Variants in PRSS27 observed in about 807,000 individuals in gnomAD.
PRSS27 encodes the protein serine protease 27.
Under a neutral mutation model 32.0 loss-of-function variants are expected in PRSS27, and 25 were observed. That is an observed-to-expected ratio of 0.78 (90% CI 0.57 to 1.09). PRSS27 has a LOEUF of 1.09. PRSS27 is among the 50% of genes least tolerant of loss of function. The pLI, the probability that PRSS27 is intolerant of heterozygous loss-of-function variation, is 0.00. For missense variants in PRSS27, 401 were observed against 394.9 expected (o/e 1.02, Z -0.13); for synonymous variants, 178 against 172.2 (o/e 1.03, Z -0.26).
chr16:2,715,466 G>A (rs2142066492), intron 3 of PRSS27: 1 of 476,184 alleles, frequency 2.1e-6, no homozygotes, highest in East Asian at 3.8e-5. Context: ...GAGTGGGTGA[G>A]TGGGTGGAGG....
chr16:2,713,358 A>T (rs2067677536), intron 5 of PRSS27, 171 bp downstream of exon 5: 1 of 711,168 alleles, frequency 1.4e-6, no homozygotes, highest in Non-Finnish European at 2.5e-6. Flanking sequence ...TTGGCCTCCC[A>T]AAGTGCTGGG....
At chr16:2,719,047 C>T (rs1334125083) in intron 1 of PRSS27, among the ~76,000 whole-genome samples, 1 of 152,212 alleles carries the variant, frequency 6.6e-6, no homozygotes, top group African/African-American at 2.4e-5. Flanking sequence ...GTACCACCAG[C>T]CAGAGACCTG....
rs929353437 is a variant in PRSS27 at position 2,714,159 on chromosome 16, A to C, written c.414T>G (p.Asn138Lys). 2.5e-6 allele frequency: 4 copies of C among 1,613,954 alleles called. No individual in the cohort carries two copies. The highest frequency in any genetic ancestry group is 4.5e-5 in the East Asian group (2 of 44,884). The change falls in exon 4 of 6, where the codon AAT becomes AAG. Residue 138 changes from asparagine to lysine, a missense_variant. Physicochemically the swap from Asn to Lys is moderately conservative, Grantham distance 94. Transcript: ENST00000302641. This position sits in a 1 kb window ranked among gnomAD's most constrained non-coding sequence, Gnocchi z 4.7. The part of the protein sequence containing the change: ...VELEAPVPFT[N>K]YILPVCLPDP... ...CAGGCAGGCACACGGGGAGGATGTAATTGGTGAAGGGCACTGGTGCCTCCA... is the reference window on the plus strand; with the variant it reads ...CAGGCAGGCACACGGGGAGGATGTACTTGGTGAAGGGCACTGGTGCCTCCA...
chr16:2,719,698 C>G (rs1418556512), intron 1 of PRSS27, among the ~76,000 whole-genome samples: 1 of 152,210 alleles, frequency 6.6e-6, no homozygotes, highest in Non-Finnish European at 1.5e-5. Flanking sequence ...CTCGGCCACC[C>G]TCCCACCCCG....
At position 2,713,658 on chromosome 16, in the gene PRSS27, C is replaced by T. The variant is rs200857775; in HGVS notation, c.549G>A (p.Val183=). 13 of 1,614,108 alleles carry T rather than the reference C, an allele frequency of 8.1e-6. No homozygotes were observed. The highest frequency in any genetic ancestry group is 1.1e-5 in the Non-Finnish European group (13 of 1,180,052). Residue 183 remains valine (V), a synonymous_variant, in exon 5 of 6, where the codon GTG becomes GTA. Coordinates refer to ENST00000302641, the MANE Select transcript of PRSS27 (RefSeq NM_031948.5). ...TGCACTTGGGTGTGTCGATGATGGG[C>T]ACAGCGAGTTTCTGCAGGATCCGCG... The part of the protein sequence containing the change: ...PEPRILQKLA[V]PIIDTPKCNL...
chr16:2,716,019 G>A (rs1417133424), intron 2 of PRSS27, 139 bp from the exon 3 acceptor site: 14 of 679,770 alleles, frequency 2.1e-5, no homozygotes, highest in Non-Finnish European at 3.1e-5. Flanking sequence ...TCGGAGGCCT[G>A]GGCTTCGGGG....
At chr16:2,713,064 T>C in intron 5 of PRSS27, 1 of 541,446 alleles carries the variant, frequency 1.8e-6, no homozygotes, top group South Asian at 2.9e-5. Context: ...CCACTGACTC[T>C]GATCCTTCTG....
At position 2,713,555 on chromosome 16, in the gene PRSS27, C is replaced by G; in HGVS notation, c.652G>C (p.Glu218Gln). ...IKNDMLCAGFEEGKKDACKGD... is the reference protein window; with the variant it reads ...IKNDMLCAGFQEGKKDACKGD... ...TTGCAGGCATCCTTCTTGCCCTCCTCGAAGCCGGCGCACAGCATGTCATTC... is the reference window on the plus strand; with the variant it reads ...TTGCAGGCATCCTTCTTGCCCTCCTGGAAGCCGGCGCACAGCATGTCATTC... Residue 218 changes from glutamate (E) to glutamine (Q), a missense_variant, in exon 5 of 6, where the codon GAG becomes CAG. By Grantham distance (29) the Glu-to-Gln change is conservative. Transcript: ENST00000302641. The G allele has an allele frequency of 1.2e-6, 2 of 1,614,248 alleles. No individual in the cohort carries two copies. Among genetic ancestry groups the G allele is most frequent in the South Asian group, 1.1e-5 (1 of 91,090 alleles).
Position 2,712,703 on chromosome 16 carries a change from G to C in PRSS27, c.790C>G (p.Arg264Gly). The change falls in exon 6 of 6, where the codon CGT becomes GGT. Residue 264 changes from arginine to glycine, a missense_variant. Arg to Gly is a moderately radical substitution (Grantham distance 125). Transcript: ENST00000302641. The surrounding 1 kb of genome is among the most constrained non-coding windows in gnomAD (Gnocchi z 4.6). ...ARQNRPGVYIRVTAHHNWIHR... is the reference protein window; with the variant it reads ...ARQNRPGVYIGVTAHHNWIHR... ...ATCCAGTTGTGGTGGGCGGTGACAC[G>C]GATGTAGACACCTGGGCGGTTCTGG... 2.5e-6 allele frequency: 4 copies of C among 1,598,076 alleles called. No homozygotes were observed. The highest frequency in any genetic ancestry group is 3.4e-6 in the Non-Finnish European group (4 of 1,172,444).
At chr16:2,713,926 C>G in intron 4 of PRSS27, 139 bp downstream of exon 4, 1 of 1,090,118 alleles carries the variant, frequency 9.2e-7, no homozygotes, top group South Asian at 1.5e-5. Flanking sequence ...CTGCTCCCCT[C>G]GGCCCCACCT....
chr16:2,713,148 G>A (rs2067674531), intron 5 of PRSS27: 2 of 473,562 alleles, frequency 4.2e-6, no homozygotes, highest in Non-Finnish European at 7.7e-6. Flanking sequence ...GCCCAGGCTG[G>A]AGTGCACTGG....
At chr16:2,715,980 C>T in intron 2 of PRSS27, 100 bp from the exon 3 acceptor site, 1 of 1,052,878 alleles carries the variant, frequency 9.5e-7, no homozygotes, top group South Asian at 1.7e-5. Flanking sequence ...GCCCTCCTGC[C>T]CCTGACCTGC....
At position 2,714,238 on chromosome 16, in the gene PRSS27, C is replaced by A. The variant is rs764252143; in HGVS notation, c.335G>T (p.Ser112Ile). ...AMYARVRQVE[S>I]NPLYQGTASS... ...GGCCGTGCCCTGGTACAGGGGGTTG[C>A]TCTCCACCTGCCTCACCCGGGCATA... The change falls in exon 4 of 6, where the codon AGC becomes ATC. Residue 112 changes from serine (S) to isoleucine (I), a missense_variant. Physicochemically the swap from Ser to Ile is moderately radical, Grantham distance 142. Coordinates refer to ENST00000302641, the MANE Select transcript of PRSS27 (RefSeq NM_031948.5). The surrounding 1 kb of genome is among the most constrained non-coding windows in gnomAD (Gnocchi z 4.7). The A allele has an allele frequency of 6.2e-7, 1 of 1,613,468 alleles. No individual in the cohort carries two copies. The highest frequency in any genetic ancestry group is 1.3e-5 in the African/African-American group (1 of 74,936).
At chr16:2,716,061 T>TCCTGAGGACTCCAGAGGGACA in intron 2 of PRSS27, 181 bp from the exon 3 acceptor site, 16 of 563,364 alleles carry the variant, frequency 2.8e-5, no homozygotes, top group South Asian at 1.6e-4. Flanking sequence ...CCTCCCCAGC[T>TCCTGAGGACTCCAGAGGGACA]GCCCCCCAAA....
Position 2,714,515 on chromosome 16 carries a change from C to G in PRSS27, c.237-179G>C. ...GATGCGTGTTGACATTGAAGCCAGA[C>G]CGCCCGACTCAGATTTCCACCTCCA... On this transcript the variant is annotated intron_variant, in intron 3 of 5. Transcript: ENST00000302641. This position sits in a 1 kb window ranked among gnomAD's most constrained non-coding sequence, Gnocchi z 4.7. 1 of 685,034 alleles carries G rather than the reference C, an allele frequency of 1.5e-6. No homozygotes were observed. Among genetic ancestry groups the G allele is most frequent in the Admixed American group, 2.7e-5 (1 of 36,924 alleles). 42.4% of individuals were successfully genotyped at this position (685,034 alleles called of 1,614,324 possible). A position where few individuals can be genotyped will look rare whatever the true frequency, so the allele number is the denominator to read the frequency against.
At position 2,717,546 on chromosome 16, in the gene PRSS27, G is replaced by A. The variant is rs774144594; in HGVS notation, c.47-1020C>T. On this transcript the variant is annotated intron_variant, in intron 1 of 5. Transcript: ENST00000302641. This position sits in a 1 kb window ranked among gnomAD's most constrained non-coding sequence, Gnocchi z 4.1. ...GGGGCAAGATTCGCCCGTAGCTGGG[G>A]AGGGGTTAGAACAGCCACCTCCCCA... 235 of 152,522 alleles carry A rather than the reference G, an allele frequency of 1.5e-3. No individual in the cohort carries two copies. The highest frequency in any genetic ancestry group is 2.4e-3 in the Non-Finnish European group (166 of 68,254). The allele number at this position is 152,522 out of a possible 1,614,324, so 9.4% of individuals were successfully genotyped here.
Position 2,712,897 on chromosome 16 carries a change from C to T in PRSS27, c.679-83G>A. The T allele has an allele frequency of 9.1e-7, 1 of 1,095,276 alleles. No homozygotes were observed. Among genetic ancestry groups the T allele is most frequent in the Non-Finnish European group, 1.3e-6 (1 of 788,882 alleles). The allele number at this position is 1,095,276 out of a possible 1,614,324, so 67.8% of individuals were successfully genotyped here. ...GCAGCCGCACAGGAGGTGTGTAGCT[C>T]CGCAATGGATTCCTTCTCTCCATCC... On this transcript the variant is annotated intron_variant, in intron 5 of 5. Transcript: ENST00000302641. The surrounding 1 kb of genome is among the most constrained non-coding windows in gnomAD (Gnocchi z 4.6).
At chr16:2,716,050 C>T in intron 2 of PRSS27, 170 bp from the exon 3 acceptor site, 1 of 582,508 alleles carries the variant, frequency 1.7e-6, no homozygotes, top group South Asian at 2.5e-5. Flanking sequence ...TACAGGCAGA[C>T]CCTCCCCAGC....
At chr16:2,716,794 G>C (rs1407354197) in intron 1 of PRSS27, 2 of 528,706 alleles carry the variant, frequency 3.8e-6, no homozygotes, top group African/African-American at 3.8e-5. Context: ...GGAGATGCCA[G>C]TGAAGGGATC....
Sources: gnomAD v4.1 joint callset for allele counts (sites outside exome capture counted in the v4.1 genomes callset) on GRCh38, gnomAD v4.1.1 for gene constraint, Gnocchi (gnomAD v3.1) non-coding constraint, MANE v1.5 for transcripts, NCBI Gene and HGNC (gene_info 2026-07-23, HGNC 2026-07-21) for gene names.